NMNAT3: variants seen among roughly 807,000 people sequenced by gnomAD.
NMNAT3 encodes the protein nicotinamide nucleotide adenylyltransferase 3.
In NMNAT3, 21 loss-of-function variants were observed where a neutral mutation model predicts 24.8. The observed-to-expected ratio is 0.85, with a 90% confidence interval of 0.60 to 1.22. The LOEUF (loss-of-function observed/expected upper bound fraction) is 1.22. NMNAT3 is among the 50% of genes most tolerant of loss of function. The pLI is 0.00. For synonymous variants in NMNAT3, 136 were observed against 155.2 expected, an observed-to-expected ratio of 0.88 and a Z score of 0.92; for missense variants, 387 against 436.6, an observed-to-expected ratio of 0.89 and a Z score of 1.01.
intron 2 of NMNAT3, among the ~76,000 whole-genome samples, chr3:139,631,862 C>T (rs753988079): frequency 6.6e-6 from 1 of 152,194 alleles, no homozygotes; most frequent in Non-Finnish European, 1.5e-5. Flanking sequence ...TATTTTATCA[C>T]CTTTTTGTTT....
intron 3 of NMNAT3, among the ~76,000 whole-genome samples, chr3:139,625,734 T>G (rs1207223787): frequency 6.6e-6 from 1 of 152,212 alleles, no homozygotes; most frequent in African/African-American, 2.4e-5. Context: ...GTTGTTACCA[T>G]TTCCAGTGCT....
At chr3:139,620,028 AT>A (rs67843478) in intron 3 of NMNAT3, among the ~76,000 whole-genome samples, 17,616 of 152,094 alleles carry the variant, frequency 0.12, 1,005 homozygotes, top group East Asian at 0.15. Flanking sequence ...TTGATATTTG[AT>A]TTGTTTGAAT....
chr3:139,581,647 T>C lies in NMNAT3; in HGVS notation c.391+1280A>G, dbSNP rs552081695. Among the ~76,000 whole-genome samples, 3 of 152,296 alleles carry C rather than the reference T, an allele frequency of 2.0e-5. No homozygotes were observed. In the South Asian group the frequency reaches 6.2e-4, roughly 32 times the overall value. ...AATTTATATAATATTCCAGAAAATG[T>C]ACCTAATCTATAATAAGTAGATATA... On this transcript the variant is annotated intron_variant, in intron 4 of 6. Coordinates refer to ENST00000643695, the MANE Select transcript of NMNAT3 (RefSeq NM_001320510.2).
chr3:139,628,448 T>A lies in NMNAT3; in HGVS notation c.-40-684A>T, dbSNP rs146414377. On this transcript the variant is annotated intron_variant, in intron 2 of 6. Coordinates refer to ENST00000643695, the MANE Select transcript of NMNAT3 (RefSeq NM_001320510.2). ...TACTTCAGTATGTGTTTTCTCAGAA[T>A]GAATACACTTTGTTACATAACTGCA... 5.9e-3 allele frequency among the ~76,000 whole-genome samples: 894 copies of A among 152,372 alleles called. 12 individuals carry two copies. The highest frequency in any genetic ancestry group is 0.02 in the African/African-American group (835 of 41,590).
chr3:139,592,775 A>G (rs1005236724), intron 3 of NMNAT3, among the ~76,000 whole-genome samples: 27 of 152,184 alleles, frequency 1.8e-4, no homozygotes, highest in Non-Finnish European at 8.8e-5. Context: ...ATGCTGAGAG[A>G]TTTTGTCACT....
rs115783372 is a variant in NMNAT3, at chr3:139,562,370, G to A, written c.659-978C>T. ...CAGACTGATTTTCCTGGCACTATCCGTGTCCCTCTTGGTGAGCTAATCAGC... is the reference window on the plus strand; with the variant it reads ...CAGACTGATTTTCCTGGCACTATCCATGTCCCTCTTGGTGAGCTAATCAGC... On this transcript the variant is annotated intron_variant, in intron 6 of 6. Coordinates refer to ENST00000643695, the MANE Select transcript of NMNAT3 (RefSeq NM_001320510.2). 9.8e-4 allele frequency among the ~76,000 whole-genome samples: 149 copies of A among 152,262 alleles called. 2 individuals carry two copies. The highest frequency in any genetic ancestry group is 3.3e-3 in the African/African-American group (139 of 41,530).
intron 3 of NMNAT3, among the ~76,000 whole-genome samples, chr3:139,591,178 T>C (rs2054151685): frequency 6.6e-6 from 1 of 150,788 alleles, no homozygotes; most frequent in African/African-American, 2.4e-5. Flanking sequence ...GGTCAGGGAG[T>C]TCCCTTTCCG....
At chr3:139,580,682 A>G (rs554265760) in intron 4 of NMNAT3, among the ~76,000 whole-genome samples, 1 of 152,270 alleles carries the variant, frequency 6.6e-6, no homozygotes, top group Non-Finnish European at 1.5e-5. Flanking sequence ...TTGACTACTG[A>G]TTTAATTTCC....
rs1440516725 is a variant in NMNAT3, at chr3:139,575,562, G to A, written c.576-1882C>T. ...TAGAGGGTGATTAGTAAAAGGTGGTGGTGATTCTCATTTTACTTACCTTGA... is the reference window on the plus strand; with the variant it reads ...TAGAGGGTGATTAGTAAAAGGTGGTAGTGATTCTCATTTTACTTACCTTGA... On this transcript the variant is annotated intron_variant, in intron 5 of 6. Transcript: ENST00000643695. 5 of 993,076 alleles carry A rather than the reference G, an allele frequency of 5.0e-6. No homozygotes were observed. The East Asian group carries it at 5.4e-4, about 107-fold the overall frequency. The allele number at this position is 993,076 out of a possible 1,614,324, so 61.5% of individuals were successfully genotyped here.
intron 6 of NMNAT3, chr3:139,567,815 G>A (rs1286288555): frequency 6.6e-6 from 1 of 152,026 alleles, no homozygotes; most frequent in Non-Finnish European, 1.5e-5. Context: ...TTTTTGTTGT[G>A]TCTCTGCCAG....
In NMNAT3 at chr3:139,616,536, A is replaced by T. The variant is rs78279397; in HGVS notation, c.109+11080T>A. On this transcript the variant is annotated intron_variant, in intron 3 of 6. Transcript: ENST00000643695. ...TCTTGTATTCTGATAGGTCTCTCAA[A>T]CTCAGCAAGTGTGAAGGTAAACTTG... Among the ~76,000 whole-genome samples, 1,104 of 152,050 alleles carry T rather than the reference A, an allele frequency of 7.3e-3. 10 individuals carry two copies. Among genetic ancestry groups the T allele is most frequent in the African/African-American group, 0.024 (1,011 of 41,462 alleles).
chr3:139,650,730 G>A (rs553021409), intron 1 of NMNAT3, among the ~76,000 whole-genome samples: 2 of 152,320 alleles, frequency 1.3e-5, no homozygotes, highest in East Asian at 3.9e-4. Context: ...TGGGACAAAT[G>A]TGGAAGATGC....
chr3:139,616,745 G>T (rs1372442301), intron 3 of NMNAT3, among the ~76,000 whole-genome samples: 1 of 152,046 alleles, frequency 6.6e-6, no homozygotes, highest in East Asian at 1.9e-4. Context: ...CCTCTGAACT[G>T]GTTTCTCTTC....
chr3:139,669,203 T>C (rs2057676522), intron 1 of NMNAT3, among the ~76,000 whole-genome samples: 1 of 152,144 alleles, frequency 6.6e-6, no homozygotes. Context: ...CTGGGCGCAG[T>C]GGCTCATGCC....
chr3:139,580,855 G>T (rs1210653197), intron 4 of NMNAT3, among the ~76,000 whole-genome samples: 1 of 151,770 alleles, frequency 6.6e-6, no homozygotes, highest in Admixed American at 6.6e-5. Flanking sequence ...AGCAATGAAA[G>T]TTATCACAAA....
chr3:139,582,143 C>T (rs758821808), intron 4 of NMNAT3, among the ~76,000 whole-genome samples: 3 of 132,960 alleles, frequency 2.3e-5, no homozygotes, highest in Admixed American at 8.9e-5. Flanking sequence ...TGCAGTGAGC[C>T]GAGATTACGC....
intron 3 of NMNAT3, among the ~76,000 whole-genome samples, chr3:139,619,015 A>G (rs1461755402): frequency 6.6e-6 from 1 of 152,120 alleles, no homozygotes; most frequent in Non-Finnish European, 1.5e-5. Flanking sequence ...CTTTCTGTGC[A>G]TATATGCTGC....
At chr3:139,613,272 T>A (rs1263222183) in intron 3 of NMNAT3, among the ~76,000 whole-genome samples, 1 of 152,142 alleles carries the variant, frequency 6.6e-6, no homozygotes, top group Non-Finnish European at 1.5e-5. Flanking sequence ...TACAATGAAC[T>A]CAAACAAATT....
intron 6 of NMNAT3, chr3:139,566,381 T>C (rs1392403324): frequency 1.3e-5 from 2 of 152,252 alleles, no homozygotes; most frequent in African/African-American, 4.8e-5. Flanking sequence ...ATCCCATTTG[T>C]CAATTTTGGC....
Sources: gnomAD v4.1 joint callset for allele counts (sites outside exome capture counted in the v4.1 genomes callset) on GRCh38, gnomAD v4.1.1 for gene constraint, MANE v1.5 for transcripts, NCBI Gene and HGNC (gene_info 2026-07-23, HGNC 2026-07-21) for gene names.